CARHSP1: variants seen among roughly 807,000 people sequenced by gnomAD.
CARHSP1 encodes the protein calcium-regulated heat-stable protein 1.
In CARHSP1, 14 loss-of-function variants were observed where a neutral mutation model predicts 12.5. That is an observed-to-expected ratio of 1.12 (90% CI 0.74 to 1.75). The LOEUF (loss-of-function observed/expected upper bound fraction) is 1.75. CARHSP1 is among the 40% of genes most tolerant of loss of function. The pLI is 0.00. For synonymous variants in CARHSP1, 161 were observed against 82.0 expected (o/e 1.96, Z -5.20); for missense variants, 343 against 201.6 (o/e 1.70, Z -4.25).
intron 1 of CARHSP1, among the ~76,000 whole-genome samples, chr16:8,862,054 G>A (rs2061373425): frequency 7.2e-6 from 1 of 139,114 alleles, no homozygotes; most frequent in Non-Finnish European, 1.5e-5. Flanking sequence ...CCAGGCTGGA[G>A]TGCAATGGCA....
chr16:8,859,821 T>C (rs948691744), intron 1 of CARHSP1: 1 of 152,592 alleles, frequency 6.6e-6, no homozygotes, highest in African/African-American at 2.4e-5. Flanking sequence ...CTAATACGAA[T>C]ACAAAAATTA....
At position 8,853,633 on chromosome 16, in the gene CARHSP1, A is replaced by G. The variant is rs1029299638; in HGVS notation, c.*1531T>C. ...CTGTCTGCCCAAAAGCCAGTTTCCA[A>G]AAGGTTTGCTTGCCTCTGTTCAGTG... is the stretch of plus-strand genomic sequence containing the variant. On this transcript the variant is annotated 3_prime_UTR_variant, in exon 4 of 4. Transcript: ENST00000311052. 7.9e-5 allele frequency: 12 copies of G among 152,212 alleles called. No individual in the cohort carries two copies. The highest frequency in any genetic ancestry group is 2.9e-4 in the African/African-American group (12 of 41,440). 9.4% of individuals were successfully genotyped at this position (152,212 alleles called of 1,614,324 possible). A position where few individuals can be genotyped will look rare whatever the true frequency, so the allele number is the denominator to read the frequency against.
At position 8,855,016 on chromosome 16, in the gene CARHSP1, C is replaced by CG; in HGVS notation, c.*147_*148insC. On this transcript the variant is annotated 3_prime_UTR_variant, in exon 4 of 4. Coordinates refer to ENST00000311052, the MANE Select transcript of CARHSP1 (RefSeq NM_014316.4). ...ACACCCCACACCCCACACCTGCCCC[C>CG]CATACCCCTTCCTCCAGGAGATACT... 1.6e-6 allele frequency: 1 copy of CG among 608,012 alleles called. No individual in the cohort carries two copies. Among genetic ancestry groups the CG allele is most frequent in the Non-Finnish European group, 2.6e-6 (1 of 381,656 alleles). 37.7% of individuals were successfully genotyped at this position (608,012 alleles called of 1,614,324 possible).
chr16:8,868,927 G>A (rs1390440911), intron 1 of CARHSP1, 39 bp downstream of exon 1: 1 of 152,044 alleles, frequency 6.6e-6, no homozygotes, highest in African/African-American at 2.4e-5. Context: ...CCGCGGGCCA[G>A]GGGCGCCTAT....
intron 1 of CARHSP1, chr16:8,868,444 G>C (rs1223779371): frequency 6.6e-6 from 1 of 151,520 alleles, no homozygotes; most frequent in Non-Finnish European, 1.5e-5. Flanking sequence ...CAGCGCGCCC[G>C]GCGGCTCCTC....
chr16:8,858,678 C>A (rs954024254), intron 2 of CARHSP1: 4 of 576,118 alleles, frequency 6.9e-6, no homozygotes, highest in Non-Finnish European at 1.2e-5. Flanking sequence ...TGACCCTGGC[C>A]AATTTTCTCG....
rs762117724 is a variant in CARHSP1 at position 8,859,227 on chromosome 16, C to A, written c.102G>T (p.Leu34=). The change falls in exon 2 of 4, where the codon CTG becomes CTT. Residue 34 remains leucine, a synonymous_variant. Transcript: ENST00000311052. ...PRSRERSPSP[L]RGNVVPSPLP... ...GTGGGCTTGGGACCACGTTGCCCCG[C>A]AGAGGGGATGGTGAGCGCTCACGGC... is the stretch of plus-strand genomic sequence containing the variant. 1.9e-6 allele frequency: 3 copies of A among 1,601,180 alleles called. No homozygotes were observed. In the East Asian group the frequency reaches 6.7e-5, roughly 36 times the overall value.
chr16:8,860,065 G>A (rs970307144), intron 1 of CARHSP1: 2 of 879,126 alleles, frequency 2.3e-6, no homozygotes, highest in Non-Finnish European at 1.4e-6. Context: ...TGACGCTGCT[G>A]GGAGCCAGAC....
At chr16:8,860,160 C>T (rs750149586) in intron 1 of CARHSP1, 13 of 985,344 alleles carry the variant, frequency 1.3e-5, no homozygotes, top group Middle Eastern at 5.2e-4. Context: ...AGAGCTCAAG[C>T]GCCACGTTTG....
intron 1 of CARHSP1, chr16:8,860,214 G>T (rs779602994): frequency 4.1e-6 from 4 of 985,330 alleles, no homozygotes; most frequent in Non-Finnish European, 4.8e-6. Flanking sequence ...GGACTGGGGG[G>T]CCTGCTGCGA....
intron 3 of CARHSP1, among the ~76,000 whole-genome samples, chr16:8,855,616 T>G (rs1019252176): frequency 6.6e-6 from 1 of 152,072 alleles, no homozygotes; most frequent in African/African-American, 2.4e-5. Flanking sequence ...TGACATGAAA[T>G]GTGGGAGGGA....
chr16:8,858,791 C>A (rs759051364), intron 2 of CARHSP1: 1 of 423,868 alleles, frequency 2.4e-6, no homozygotes, highest in Admixed American at 4.0e-5. Flanking sequence ...ATCCTCCACT[C>A]GCAAGGCCTG....
At chr16:8,859,445 G>T in intron 1 of CARHSP1, 110 bp from the exon 2 acceptor site, 3 of 929,748 alleles carry the variant, frequency 3.2e-6, no homozygotes, top group Non-Finnish European at 4.8e-6. Context: ...TTCCTCTCGG[G>T]CACCTCAGCA....
rs1451237573 is a variant in CARHSP1, at chr16:8,854,015, C to G, written c.*1149G>C. On this transcript the variant is annotated 3_prime_UTR_variant, in exon 4 of 4. Transcript: ENST00000311052. ...GCGGAATTGCCAGAACCCTGGAGGGCAGAGGTTGCAGTAAGCTGAGATCGG... is the reference window on the plus strand; with the variant it reads ...GCGGAATTGCCAGAACCCTGGAGGGGAGAGGTTGCAGTAAGCTGAGATCGG... 6.6e-6 allele frequency: 1 copy of G among 152,156 alleles called. No individual in the cohort carries two copies. The highest frequency in any genetic ancestry group is 2.4e-5 in the African/African-American group (1 of 41,434). 9.4% of individuals were successfully genotyped at this position (152,156 alleles called of 1,614,324 possible).
Position 8,866,592 on chromosome 16 carries a change from G to T in CARHSP1, c.-8+2374C>A, listed in dbSNP as rs117700984. On this transcript the variant is annotated intron_variant, in intron 1 of 3. Coordinates refer to ENST00000311052, the MANE Select transcript of CARHSP1 (RefSeq NM_014316.4). ...AGGGTCCCTGGAAGCGATAGAGGCCGAGAACGAGCCAGAGGTTGACGCAGC... is the reference window on the plus strand; with the variant it reads ...AGGGTCCCTGGAAGCGATAGAGGCCTAGAACGAGCCAGAGGTTGACGCAGC... The T allele has an allele frequency of 2.1e-4, 63 of 299,888 alleles. 3 individuals carry two copies. The East Asian group carries it at 0.01, about 49-fold the overall frequency. 18.6% of individuals were successfully genotyped at this position (299,888 alleles called of 1,614,324 possible).
At chr16:8,859,798 G>C (rs906979912) in intron 1 of CARHSP1, 2 of 153,186 alleles carry the variant, frequency 1.3e-5, no homozygotes, top group African/African-American at 2.4e-5. Flanking sequence ...GCCAACATGG[G>C]GAAACCCAGT....
chr16:8,856,166 C>T (rs1042192755), intron 3 of CARHSP1, among the ~76,000 whole-genome samples: 1 of 152,168 alleles, frequency 6.6e-6, no homozygotes, highest in Admixed American at 6.5e-5. Flanking sequence ...CTGGAGGGGC[C>T]TCTCCCTGTG....
At chr16:8,864,165 ATG>A (rs753707497) in intron 1 of CARHSP1, among the ~76,000 whole-genome samples, 2 of 152,198 alleles carry the variant, frequency 1.3e-5, no homozygotes, top group African/African-American at 2.4e-5. Flanking sequence ...GCACATGTGT[ATG>A]TGTGTGCTGT....
chr16:8,861,606 A>C (rs1288315158), intron 1 of CARHSP1: 1 of 1,288,576 alleles, frequency 7.8e-7, no homozygotes, highest in East Asian at 5.6e-5. Context: ...GTTGGGCCTC[A>C]GTTCTGTCGG....
Sources: gnomAD v4.1 joint callset for allele counts (sites outside exome capture counted in the v4.1 genomes callset) on GRCh38, gnomAD v4.1.1 for gene constraint, MANE v1.5 for transcripts, NCBI Gene and HGNC (gene_info 2026-07-23, HGNC 2026-07-21) for gene names.